The following MAF variants were observed in gnomAD, a reference collection of about 807,000 sequenced individuals.
MAF encodes transcription factor Maf.
A neutral mutation model predicts 22.0 loss-of-function variants in MAF; 10 were observed. That is an observed-to-expected ratio of 0.45 (90% CI 0.28 to 0.77). The LOEUF is 0.77. MAF is among the 30% of genes least tolerant of loss of function. The pLI, the probability that MAF is intolerant of heterozygous loss-of-function variation, is 0.12. For missense variants in MAF, 544 were observed against 548.4 expected, an observed-to-expected ratio of 0.99 and a Z score of 0.08; for synonymous variants, 337 against 255.8, an observed-to-expected ratio of 1.32 and a Z score of -3.03.
At chr16:79,246,540 T>TGGGGG in the MAF span, among the ~76,000 whole-genome samples, 9 of 101,326 alleles carry the variant, frequency 8.9e-5, no homozygotes, top group Non-Finnish European at 1.8e-4. Context: ...AGGTTTTTTT[T>TGGGGG]GGGGGGGGTG....
intron 1 of MAF, among the ~76,000 whole-genome samples, chr16:79,586,389 G>A (rs553045246): frequency 1.4e-5 from 2 of 146,254 alleles, no homozygotes; most frequent in Non-Finnish European, 2.9e-5. Flanking sequence ...GTGTGTGCTA[G>A]GGTTCCTTCT....
At chr16:79,592,310 T>C (rs2143741585), downstream of MAF, among the ~76,000 whole-genome samples, 1 of 152,328 alleles carries the variant, frequency 6.6e-6, no homozygotes, top group Non-Finnish European at 1.5e-5. Context: ...CCTGGGAGAC[T>C]GAAATTCTCT....
At chr16:79,333,666 C>T in the MAF span, among the ~76,000 whole-genome samples, 1 of 152,222 alleles carries the variant, frequency 6.6e-6, no homozygotes, top group Non-Finnish European at 1.5e-5. Flanking sequence ...AAGAGACAAT[C>T]TAACGCTGGA....
chr16:79,589,362 T>A (rs919089711), downstream of MAF, among the ~76,000 whole-genome samples: 2 of 152,088 alleles, frequency 1.3e-5, no homozygotes, highest in Non-Finnish European at 2.9e-5. Flanking sequence ...ATAATGTGCA[T>A]CAAACTACAC....
the MAF span, among the ~76,000 whole-genome samples, chr16:79,427,315 G>A: frequency 1.1e-4 from 17 of 152,194 alleles, no homozygotes; most frequent in Non-Finnish European, 8.8e-5. Context: ...CTGCCACCAA[G>A]GGCACTTTGC....
the MAF span, among the ~76,000 whole-genome samples, chr16:79,275,079 G>C: frequency 7.2e-3 from 1,104 of 152,312 alleles, 15 homozygotes; most frequent in African/African-American, 0.025. Context: ...ATAGAGGCCG[G>C]GTGTGGTGGC....
downstream of MAF, among the ~76,000 whole-genome samples, chr16:79,585,295 C>G (rs978929725): frequency 6.6e-6 from 1 of 152,172 alleles, no homozygotes; most frequent in African/African-American, 2.4e-5. Flanking sequence ...CCTCCTTCCC[C>G]TTCTTCCTTG....
At chr16:79,230,733 C>T in the MAF span, among the ~76,000 whole-genome samples, 1 of 152,074 alleles carries the variant, frequency 6.6e-6, no homozygotes, top group Non-Finnish European at 1.5e-5. Context: ...ATGGAGTGTG[C>T]TTTCTGAAGC....
At chr16:79,319,208 T>C in the MAF span, among the ~76,000 whole-genome samples, 1 of 152,210 alleles carries the variant, frequency 6.6e-6, no homozygotes, top group Admixed American at 6.5e-5. Context: ...CCCCTTCTAA[T>C]TCTTCTATGT....
the MAF span, among the ~76,000 whole-genome samples, chr16:79,305,166 T>C: frequency 2.8e-4 from 42 of 152,262 alleles, no homozygotes; most frequent in African/African-American, 9.1e-4. Context: ...CCAGGGAGCA[T>C]TGCAGGGGAA....
the MAF span, among the ~76,000 whole-genome samples, chr16:79,520,189 A>G: frequency 2.0e-5 from 3 of 152,162 alleles, no homozygotes; most frequent in African/African-American, 7.2e-5. Flanking sequence ...ATGTCTTCCA[A>G]TGCCAGCTCT....
chr16:79,242,619 C>T, the MAF span, among the ~76,000 whole-genome samples: 1 of 151,886 alleles, frequency 6.6e-6, no homozygotes, highest in African/African-American at 2.4e-5. Context: ...ACTTTAACAC[C>T]CCACTGTCAA....
At chr16:79,462,161 AT>A in the MAF span, among the ~76,000 whole-genome samples, 1 of 152,202 alleles carries the variant, frequency 6.6e-6, no homozygotes, top group Admixed American at 6.5e-5. Flanking sequence ...GATACCGATA[AT>A]AATGGCCACA....
At chr16:79,561,187 T>A in the MAF span, among the ~76,000 whole-genome samples, 2 of 152,314 alleles carry the variant, frequency 1.3e-5, no homozygotes, top group African/African-American at 4.8e-5. Context: ...CCTTACACAT[T>A]AACAGAATTT....
chr16:79,567,677 G>A, the MAF span, among the ~76,000 whole-genome samples: 2 of 152,190 alleles, frequency 1.3e-5, no homozygotes, highest in African/African-American at 4.8e-5. Context: ...GCCTTGCTGG[G>A]TATCTCCTCC....
At chr16:79,539,062 C>T in the MAF span, among the ~76,000 whole-genome samples, 249 of 152,170 alleles carry the variant, frequency 1.6e-3, 3 homozygotes, top group East Asian at 0.04. Context: ...AATACAAAGA[C>T]ATTATTTTGC....
the MAF span, among the ~76,000 whole-genome samples, chr16:79,377,357 C>T: frequency 6.6e-6 from 1 of 152,120 alleles, no homozygotes; most frequent in South Asian, 2.1e-4. Flanking sequence ...ATCCTTCGCC[C>T]ACTTGTTGAT....
At chr16:79,428,204 C>G in the MAF span, among the ~76,000 whole-genome samples, 4 of 151,260 alleles carry the variant, frequency 2.6e-5, no homozygotes, top group African/African-American at 9.7e-5. Context: ...TGTCTTTCAG[C>G]TACCCTCACC....
At chr16:79,398,744 C>T in the MAF span, among the ~76,000 whole-genome samples, 1 of 152,122 alleles carries the variant, frequency 6.6e-6, no homozygotes. Flanking sequence ...CATCAGCCTG[C>T]CCTGCTCAGC....
Sources: allele counts gnomAD v4.1 joint callset (sites outside exome capture counted in the v4.1 genomes callset), GRCh38; gene constraint gnomAD v4.1.1; transcripts MANE v1.5; gene names NCBI Gene and HGNC (gene_info 2026-07-23, HGNC 2026-07-21).